Variants in NFKBIZ observed in about 807,000 individuals in gnomAD.
NFKBIZ encodes the protein NFKB inhibitor zeta.
A neutral mutation model predicts 76.8 loss-of-function variants in NFKBIZ; 19 were observed. That is an observed-to-expected ratio of 0.25 (90% confidence interval 0.17 to 0.36). NFKBIZ has a LOEUF of 0.36. NFKBIZ is among the 10% of genes least tolerant of loss of function. The probability of loss-of-function intolerance (pLI) is 1.00; values close to 1 mark genes in which losing one functional copy is unlikely to be tolerated. For missense variants in NFKBIZ, 829 were observed against 910.9 expected, an observed-to-expected ratio of 0.91 and a Z score of 1.16; for synonymous variants, 368 against 354.8, an observed-to-expected ratio of 1.04 and a Z score of -0.42.
chr3:101,852,339 G>A, intron 2 of NFKBIZ, 115 bp downstream of exon 2: 1 of 1,287,988 alleles, frequency 7.8e-7, no homozygotes, highest in Non-Finnish European at 1.1e-6. Flanking sequence ...TTTTTCATAA[G>A]ATGACAAAGT....
rs1055303979 is a variant in NFKBIZ at position 101,836,508 on chromosome 3, G to A, written c.-12+6820G>A. On this transcript the variant is annotated intron_variant, in intron 2 of 12. Transcript: ENST00000394054. ...AGAATGTAAGCTCTGTAAGGGCATC[G>A]ATGGCCTTTCTGTTCAGTACTGTAT... Among the ~76,000 whole-genome samples, 6 of 152,296 alleles carry A rather than the reference G, an allele frequency of 3.9e-5. No homozygotes were observed. In the South Asian group the frequency reaches 6.2e-4, roughly 16 times the overall value.
In NFKBIZ at chr3:101,853,720, A is replaced by G. The variant is rs1311168408; in HGVS notation, c.1194A>G (p.Ser398=). ...HEMASDSSNT[S]LPFSNMGNPM... is the part of the protein sequence containing the mutation. ...TGGCCTCTGACTCTTCAAACACTTC[A>G]CTGCCATTCTCAAACATGGGAAATC... Residue 398 remains serine (S), a synonymous_variant, in exon 5 of 12, where the codon TCA becomes TCG. Transcript: ENST00000326172. 3 of 1,614,206 alleles carry G rather than the reference A, an allele frequency of 1.9e-6. No homozygotes were observed. Among genetic ancestry groups the G allele is most frequent in the Middle Eastern group, 1.6e-4 (1 of 6,062 alleles).
intron 3 of NFKBIZ, 51 bp downstream of exon 3, chr3:101,852,819 A>T: frequency 1.9e-6 from 3 of 1,603,152 alleles, no homozygotes; most frequent in Non-Finnish European, 2.6e-6. Flanking sequence ...AGTAAATAAT[A>T]GAGTGTAATT....
At position 101,854,648 on chromosome 3, in the gene NFKBIZ, C is replaced by T. The variant is rs1281142969; in HGVS notation, c.1408C>T (p.Leu470Phe). 1.9e-6 allele frequency: 3 copies of T among 1,613,868 alleles called. No homozygotes were observed. The highest frequency in any genetic ancestry group is 2.2e-5 in the South Asian group (2 of 91,080). The change falls in exon 6 of 12, where the codon CTT becomes TTT. Residue 470 changes from leucine (L) to phenylalanine (F), a missense_variant. Transcript: ENST00000326172. ...SYVLARKMNA[L>F]HMLDIKEHNG... ...TGTTCTTGCAAGAAAGATGAATGCA[C>T]TTCACATGCTGGATATTAAAGAGCA...
intron 2 of NFKBIZ, among the ~76,000 whole-genome samples, chr3:101,831,165 A>G (rs1399749231): frequency 6.6e-6 from 1 of 152,214 alleles, no homozygotes; most frequent in African/African-American, 2.4e-5. Context: ...TAGAGGGTCT[A>G]ATACTGTAAA....
chr3:101,847,145 A>G (rs983677114), upstream of NFKBIZ, among the ~76,000 whole-genome samples: 30 of 152,236 alleles, frequency 2.0e-4, no homozygotes, highest in African/African-American at 7.0e-4. Flanking sequence ...TCAAATGCAA[A>G]TATCTGCCAG....
chr3:101,829,536 A>G (rs1942616576), intron 1 of NFKBIZ: 1 of 152,166 alleles, frequency 6.6e-6, no homozygotes, highest in African/African-American at 2.4e-5. Flanking sequence ...CCAATAATGA[A>G]TTGCTCCTGA....
At chr3:101,838,467 G>A (rs1296019011) in intron 2 of NFKBIZ, among the ~76,000 whole-genome samples, 9 of 152,108 alleles carry the variant, frequency 5.9e-5, no homozygotes, top group Non-Finnish European at 4.4e-5. Context: ...TTCTGTAATG[G>A]GCCAAATAGT....
In NFKBIZ at chr3:101,853,870, A is replaced by T; in HGVS notation, c.1337+7A>T. ...AGGATGCAGATGGTGACACGTGAGT[A>T]TTCTTTTATCTCATGTTCTTAATTA... On this transcript the variant is annotated splice_region_variant and intron_variant, in intron 5 of 11. Coordinates refer to ENST00000326172, the MANE Select transcript of NFKBIZ (RefSeq NM_031419.4). The T allele has an allele frequency of 1.2e-6, 2 of 1,609,060 alleles. No homozygotes were observed. Among genetic ancestry groups the T allele is most frequent in the Non-Finnish European group, 1.7e-6 (2 of 1,177,346 alleles).
chr3:101,834,075 A>G (rs1032365892), intron 2 of NFKBIZ, among the ~76,000 whole-genome samples: 2 of 152,176 alleles, frequency 1.3e-5, no homozygotes, highest in Non-Finnish European at 1.5e-5. Flanking sequence ...TTTACTGGAT[A>G]AGTAGGGCAC....
upstream of NFKBIZ, among the ~76,000 whole-genome samples, chr3:101,845,098 C>A (rs1942831413): frequency 6.6e-6 from 1 of 151,768 alleles, no homozygotes; most frequent in Non-Finnish European, 1.5e-5. Context: ...GAAACCCCGT[C>A]TCTATTAAAA....
chr3:101,857,186 A>ACTTTTAGAAAGCTTTAATAACCC lies in NFKBIZ; in HGVS notation c.1935+4_1935+5insTTTTAGAAAGCTTTAATAACCCC. The ACTTTTAGAAAGCTTTAATAACCC allele has an allele frequency of 6.8e-7, 1 of 1,462,508 alleles. No individual in the cohort carries two copies. Among genetic ancestry groups the ACTTTTAGAAAGCTTTAATAACCC allele is most frequent in the Non-Finnish European group, 9.0e-7 (1 of 1,110,790 alleles). The allele number at this position is 1,462,508 out of a possible 1,614,324, so 90.6% of individuals were successfully genotyped here. ...GCCTGTCTTTTGTGAATGCAAAGGT[A>ACTTTTAGAAAGCTTTAATAACCC]CACCAGAGTTGGAATGGCCTTCTGT... On this transcript the variant is annotated splice_donor_region_variant and intron_variant, in intron 10 of 11. Coordinates refer to ENST00000326172, the MANE Select transcript of NFKBIZ (RefSeq NM_031419.4).
chr3:101,837,658 C>T (rs947260542), intron 2 of NFKBIZ, among the ~76,000 whole-genome samples: 19 of 152,002 alleles, frequency 1.2e-4, no homozygotes, highest in East Asian at 3.8e-4. Flanking sequence ...ACATGTAAAA[C>T]GAAAGGGTGT....
At chr3:101,836,174 T>A (rs1170768656) in intron 2 of NFKBIZ, among the ~76,000 whole-genome samples, 1 of 152,140 alleles carries the variant, frequency 6.6e-6, no homozygotes, top group Admixed American at 6.5e-5. Context: ...CTTGGCAACA[T>A]GGAATTAGAA....
In NFKBIZ at chr3:101,853,214, G is replaced by A. The variant is rs772487090; in HGVS notation, c.688G>A (p.Val230Ile). 7.4e-6 allele frequency: 12 copies of A among 1,613,996 alleles called. No homozygotes were observed. Among genetic ancestry groups the A allele is most frequent in the Admixed American group, 3.3e-5 (2 of 59,994 alleles). ...IINIKNECSP[V>I]SLNTVQVSWL... ...CAACATTAAGAATGAATGCAGCCCC[G>A]TTTCCCTGAACACAGTTCAAGTTAG... Residue 230 changes from valine (V) to isoleucine (I), a missense_variant, in exon 5 of 12, where the codon GTT (valine) becomes ATT (isoleucine). By Grantham distance (29) the Val-to-Ile change is conservative. This residue lies in a region of NFKBIZ where 371 missense variants were observed against 332.3 expected (regional missense o/e 1.12). Transcript: ENST00000326172.
At chr3:101,834,811 A>G (rs1366341165) in intron 2 of NFKBIZ, among the ~76,000 whole-genome samples, 1 of 152,092 alleles carries the variant, frequency 6.6e-6, no homozygotes, top group African/African-American at 2.4e-5. Context: ...TTTCCTGATC[A>G]CTTCCACACA....
At chr3:101,857,954 T>G (rs543374030) in intron 11 of NFKBIZ, 3 of 843,212 alleles carry the variant, frequency 3.6e-6, no homozygotes, top group Non-Finnish European at 4.3e-6. Context: ...ATGGAAAAAT[T>G]ACTTATGTAA....
chr3:101,843,345 A>G (rs1942811992), intron 2 of NFKBIZ, among the ~76,000 whole-genome samples: 1 of 152,144 alleles, frequency 6.6e-6, no homozygotes, highest in African/African-American at 2.4e-5. Context: ...GGGGAGACTG[A>G]GGTGGGAGGA....
chr3:101,851,986 G>C (rs943436626), intron 1 of NFKBIZ, 99 bp from the exon 2 acceptor site: 5 of 1,423,620 alleles, frequency 3.5e-6, no homozygotes, highest in Non-Finnish European at 4.8e-6. Flanking sequence ...GCTGCTTGGG[G>C]ACTTTATACA....
Sources: allele counts gnomAD v4.1 joint callset (sites outside exome capture counted in the v4.1 genomes callset), GRCh38; gene constraint gnomAD v4.1.1; regional missense constraint gnomAD v4.1.1; transcripts MANE v1.5; gene names NCBI Gene and HGNC (gene_info 2026-07-23, HGNC 2026-07-21).